MIR2052HG: variants seen among roughly 807,000 people sequenced by gnomAD.
MIR2052HG encodes the protein MIR2052 host gene.
chr8:74,606,282 C>G (rs1207456651), intron 1 of MIR2052HG, among the ~76,000 whole-genome samples: 1 of 151,944 alleles, frequency 6.6e-6, no homozygotes, highest in Non-Finnish European at 1.5e-5. Context: ...CAAGTTAAGT[C>G]CTTGAGGAAG....
In MIR2052HG at chr8:74,673,910, T is replaced by TATACAC. The variant is rs1485340799; in HGVS notation, n.217-28468_217-28467insTACACA. Reference sequence around the variant, plus strand: ...TTGTATATATATATATATATATATATACACACACAAAATATCTATCTATAT... The same window carrying TATACAC: ...TTGTATATATATATATATATATATATATACACACACACACAAAATATCTATCTATAT... On this transcript the variant is annotated intron_variant and non_coding_transcript_variant, in intron 2 of 6. Coordinates refer to ENST00000523442, the Ensembl canonical transcript of MIR2052HG. Among the ~76,000 whole-genome samples the TATACAC allele has an allele frequency of 4.3e-4, 57 of 133,014 alleles. 3 individuals are homozygous for TATACAC. The highest frequency in any genetic ancestry group is 1.7e-3 in the African/African-American group (49 of 29,400). 87.3% of individuals were successfully genotyped at this position (133,014 alleles called of 152,430 possible).
At chr8:74,749,110 G>A (rs1809917481) in intron 4 of MIR2052HG, among the ~76,000 whole-genome samples, 1 of 152,108 alleles carries the variant, frequency 6.6e-6, no homozygotes, top group Non-Finnish European at 1.5e-5. Flanking sequence ...AAAGAGAAAG[G>A]AAAGGTGAGA....
At chr8:74,650,644 T>A (rs1586903541) in intron 2 of MIR2052HG, among the ~76,000 whole-genome samples, 1 of 152,198 alleles carries the variant, frequency 6.6e-6, no homozygotes, top group East Asian at 1.9e-4. Context: ...GGCTGGATGA[T>A]TTTACACTCC....
At chr8:74,743,732 G>GA (rs751055969) in intron 4 of MIR2052HG, among the ~76,000 whole-genome samples, 14 of 152,256 alleles carry the variant, frequency 9.2e-5, no homozygotes, top group Non-Finnish European at 2.1e-4. Context: ...AACATGATCT[G>GA]AAAAATCAAC....
intron 2 of MIR2052HG, among the ~76,000 whole-genome samples, chr8:74,626,434 G>C (rs1456697654): frequency 6.6e-6 from 1 of 152,122 alleles, no homozygotes; most frequent in Non-Finnish European, 1.5e-5. Flanking sequence ...ATAACTAGTA[G>C]TACCTTCTCT....
intron 2 of MIR2052HG, among the ~76,000 whole-genome samples, chr8:74,620,753 T>A (rs150167924): frequency 2.6e-5 from 4 of 152,192 alleles, no homozygotes; most frequent in Non-Finnish European, 4.4e-5. Context: ...TGGCCTGTGA[T>A]GGGAAGGGCT....
intron 4 of MIR2052HG, among the ~76,000 whole-genome samples, chr8:74,737,624 T>C (rs1809781018): frequency 6.6e-6 from 1 of 152,184 alleles, no homozygotes; most frequent in African/African-American, 2.4e-5. Flanking sequence ...CCTAATGTCC[T>C]GATCATTCAG....
At chr8:74,621,996 AT>A (rs1208764039) in intron 2 of MIR2052HG, among the ~76,000 whole-genome samples, 1 of 152,006 alleles carries the variant, frequency 6.6e-6, no homozygotes, top group African/African-American at 2.4e-5. Context: ...CTGGGTAATG[AT>A]TTTTTTTGGG....
At chr8:74,681,297 A>T (rs542154611) in intron 2 of MIR2052HG, among the ~76,000 whole-genome samples, 1 of 152,254 alleles carries the variant, frequency 6.6e-6, no homozygotes, top group South Asian at 2.1e-4. Flanking sequence ...CCAGCAAAAA[A>T]TTAAGATTTT....
intron 2 of MIR2052HG, among the ~76,000 whole-genome samples, chr8:74,686,432 C>T (rs1267958302): frequency 6.6e-6 from 1 of 152,016 alleles, no homozygotes; most frequent in East Asian, 1.9e-4. Context: ...GTAGAACCTT[C>T]TAGCATCAGT....
At chr8:74,755,734 T>C (rs1444519543) in intron 5 of MIR2052HG, among the ~76,000 whole-genome samples, 1 of 152,166 alleles carries the variant, frequency 6.6e-6, no homozygotes, top group Non-Finnish European at 1.5e-5. Flanking sequence ...GACATGATTA[T>C]GTTTGTCTGA....
At chr8:74,671,491 C>T (rs1007607710) in intron 2 of MIR2052HG, among the ~76,000 whole-genome samples, 1 of 151,808 alleles carries the variant, frequency 6.6e-6, no homozygotes, top group East Asian at 2.0e-4. Flanking sequence ...ATTAAAACAA[C>T]TACTTAAGGT....
intron 2 of MIR2052HG, among the ~76,000 whole-genome samples, chr8:74,657,056 A>C (rs1484505118): frequency 6.6e-6 from 1 of 152,200 alleles, no homozygotes; most frequent in Non-Finnish European, 1.5e-5. Context: ...GCAAAGATGC[A>C]AGTCTGCAAA....
At chr8:74,696,500 C>T (rs1181771458) in intron 2 of MIR2052HG, among the ~76,000 whole-genome samples, 6 of 150,996 alleles carry the variant, frequency 4.0e-5, no homozygotes, top group African/African-American at 1.5e-4. Context: ...GAAATTGAAA[C>T]AAAAAAACAC....
intron 4 of MIR2052HG, among the ~76,000 whole-genome samples, chr8:74,749,046 T>G (rs1045032375): frequency 3.3e-5 from 5 of 152,192 alleles, no homozygotes; most frequent in Admixed American, 2.6e-4. Context: ...TGTATTTGCT[T>G]TTTTTGATAG....
chr8:74,652,311 C>T (rs1213657701), intron 2 of MIR2052HG, among the ~76,000 whole-genome samples: 3 of 152,144 alleles, frequency 2.0e-5, no homozygotes, highest in Non-Finnish European at 4.4e-5. Context: ...GTGGACGTGA[C>T]ACATAATATT....
chr8:74,607,696 C>G (rs576837535), intron 1 of MIR2052HG, among the ~76,000 whole-genome samples: 2 of 152,174 alleles, frequency 1.3e-5, no homozygotes, highest in East Asian at 3.9e-4. Flanking sequence ...GGAATTTAAC[C>G]CTTTTTCAGT....
rs970227633 is a variant in MIR2052HG at position 74,671,620 on chromosome 8, G to A, written n.217-30759G>A. 8.5e-5 allele frequency among the ~76,000 whole-genome samples: 13 copies of A among 152,060 alleles called. No individual in the cohort carries two copies. In the South Asian group the frequency reaches 1.5e-3, roughly 17 times the overall value. On this transcript the variant is annotated intron_variant and non_coding_transcript_variant, in intron 2 of 6. Transcript: ENST00000523442. ...GTCTCAAAACCCAAAGTTGGAACCC[G>A]GGGTTGTTTGAAGAGGAATTTACTG...
intron 4 of MIR2052HG, among the ~76,000 whole-genome samples, chr8:74,719,347 T>G (rs1481556018): frequency 6.6e-6 from 1 of 152,192 alleles, no homozygotes; most frequent in Non-Finnish European, 1.5e-5. Context: ...TAATGGAGAT[T>G]GCATAGCGAG....
Sources: gnomAD v4.1 joint callset for allele counts (sites outside exome capture counted in the v4.1 genomes callset) on GRCh38, gnomAD v4.1.1 for gene constraint, MANE v1.5 for transcripts, NCBI Gene and HGNC (gene_info 2026-07-23, HGNC 2026-07-21) for gene names.